ADAMTS19: variants seen among roughly 807,000 people sequenced by gnomAD.
ADAMTS19 encodes ADAM metallopeptidase with thrombospondin type 1 motif 19.
In ADAMTS19, 93 loss-of-function variants were observed where a neutral mutation model predicts 153.3. The observed-to-expected ratio is 0.61, with a 90% CI of 0.51 to 0.72. The LOEUF is 0.72. Ranked by LOEUF, ADAMTS19 falls within the 30% of genes least tolerant of loss-of-function variation. ADAMTS19 has a pLI of 0.00. For missense variants in ADAMTS19, 1,482 were observed against 1,552.1 expected (o/e 0.95, Z 0.76); for synonymous variants, 600 against 556.6 (o/e 1.08, Z -1.10).
chr5:129,602,115 G>A (rs573934946), intron 8 of ADAMTS19, among the ~76,000 whole-genome samples: 140 of 152,092 alleles, frequency 9.2e-4, no homozygotes, highest in African/African-American at 3.2e-3. Context: ...TTTTTGAGAC[G>A]GAGTTTCACT....
intron 2 of ADAMTS19, among the ~76,000 whole-genome samples, chr5:129,488,143 G>A (rs572527892): frequency 7.6e-4 from 116 of 152,058 alleles, no homozygotes; most frequent in Middle Eastern, 6.8e-3. Flanking sequence ...ATGTTGAATT[G>A]AAAATATTAA....
chr5:129,460,520 C>T (rs1286184444), intron 1 of ADAMTS19, 38 bp downstream of exon 1: 5 of 1,612,932 alleles, frequency 3.1e-6, no homozygotes, highest in Non-Finnish European at 3.4e-6. Context: ...CCTTTCCAGC[C>T]ATCCCAGCGG....
chr5:129,687,775 T>C (rs1755158474), intron 18 of ADAMTS19, among the ~76,000 whole-genome samples: 2 of 152,198 alleles, frequency 1.3e-5, no homozygotes, highest in South Asian at 4.1e-4. Flanking sequence ...GGAGGCTTCA[T>C]GTAGTTTATT....
chr5:129,708,216 T>C (rs1454576597), intron 21 of ADAMTS19, among the ~76,000 whole-genome samples: 2 of 152,178 alleles, frequency 1.3e-5, no homozygotes, highest in Admixed American at 1.3e-4. Flanking sequence ...GCAGCCTTTG[T>C]TGAAAAATGT....
intron 10 of ADAMTS19, 117 bp downstream of exon 10, chr5:129,622,465 A>G (rs1021046628): frequency 5.2e-6 from 6 of 1,158,068 alleles, no homozygotes; most frequent in Non-Finnish European, 7.1e-6. Flanking sequence ...TATATAAAAG[A>G]AGGATTTTCT....
At position 129,550,455 on chromosome 5, in the gene ADAMTS19, C is replaced by T. The variant is rs1359513870; in HGVS notation, c.1329-1409C>T. On this transcript the variant is annotated intron_variant, in intron 6 of 22. Transcript: ENST00000274487. ...CTGTATATGTATGTATCTAGATATA[C>T]ATATACATGTATCTGTATATGTATG... 7.9e-5 allele frequency among the ~76,000 whole-genome samples: 11 copies of T among 138,894 alleles called. 1 individual carries two copies. Among genetic ancestry groups the T allele is most frequent in the Non-Finnish European group, 1.7e-4 (11 of 64,270 alleles). 91.1% of individuals were successfully genotyped at this position (138,894 alleles called of 152,430 possible). A position where few individuals can be genotyped will look rare whatever the true frequency, so the allele number is the denominator to read the frequency against.
intron 7 of ADAMTS19, among the ~76,000 whole-genome samples, chr5:129,552,117 T>C (rs1753144057): frequency 6.6e-6 from 1 of 151,942 alleles, no homozygotes; most frequent in South Asian, 2.1e-4. Flanking sequence ...AATCTTTAAG[T>C]GATGCTTTAA....
chr5:129,525,623 G>C (rs1209173506), intron 3 of ADAMTS19, among the ~76,000 whole-genome samples: 1 of 151,928 alleles, frequency 6.6e-6, no homozygotes, highest in Admixed American at 6.6e-5. Flanking sequence ...ACATTTAATA[G>C]AACAATAAAA....
At chr5:129,496,577 A>T (rs745363792) in intron 2 of ADAMTS19, among the ~76,000 whole-genome samples, 7 of 151,906 alleles carry the variant, frequency 4.6e-5, no homozygotes, top group African/African-American at 1.7e-4. Context: ...GGTTGGCAAC[A>T]TCTCTGTCAA....
chr5:129,556,953 C>A (rs771534116), intron 7 of ADAMTS19, among the ~76,000 whole-genome samples: 5 of 152,112 alleles, frequency 3.3e-5, no homozygotes, highest in Non-Finnish European at 5.9e-5. Flanking sequence ...TACCTTAAGC[C>A]ACTGAATTTG....
chr5:129,604,409 G>A (rs1300223768), intron 8 of ADAMTS19, among the ~76,000 whole-genome samples: 1 of 152,132 alleles, frequency 6.6e-6, no homozygotes, highest in East Asian at 1.9e-4. Context: ...CTATGGGTCA[G>A]TCTCTCTATT....
chr5:129,669,310 T>G (rs1754194439), intron 16 of ADAMTS19, among the ~76,000 whole-genome samples: 2 of 152,108 alleles, frequency 1.3e-5, no homozygotes, highest in South Asian at 4.1e-4. Flanking sequence ...GGTCTATTTA[T>G]GATTTCTCTT....
chr5:129,648,745 T>C, intron 12 of ADAMTS19, 53 bp from the exon 13 acceptor site: 1 of 1,470,190 alleles, frequency 6.8e-7, no homozygotes, highest in Non-Finnish European at 9.4e-7. Context: ...ATTTAAAACC[T>C]AGGTAGTTAA....
In ADAMTS19 at chr5:129,738,310, T is replaced by C. The variant is rs1457742032; in HGVS notation, c.*1092T>C. ...TGATTCACATGATTTCTTAGATTTT[T>C]CAATAAAATATGTAAAACTTCCCAC... On this transcript the variant is annotated 3_prime_UTR_variant, in exon 23 of 23. Transcript: ENST00000274487. The C allele has an allele frequency of 2.6e-5, 4 of 152,060 alleles. No individual in the cohort carries two copies. The highest frequency in any genetic ancestry group is 9.7e-5 in the African/African-American group (4 of 41,436). The allele number at this position is 152,060 out of a possible 1,614,324, so 9.4% of individuals were successfully genotyped here.
intron 21 of ADAMTS19, among the ~76,000 whole-genome samples, chr5:129,721,516 G>A (rs1757003892): frequency 6.6e-6 from 1 of 152,112 alleles, no homozygotes. Flanking sequence ...ATGTCTCAAG[G>A]TAAATGGACA....
Position 129,563,390 on chromosome 5 carries a change from C to T in ADAMTS19, c.1372+11483C>T, listed in dbSNP as rs975524358. On this transcript the variant is annotated intron_variant, in intron 7 of 22. Coordinates refer to ENST00000274487, the MANE Select transcript of ADAMTS19 (RefSeq NM_133638.6). ...CATATTTTTAAGCCTTTGGACTAGG[C>T]GAAGAATAGGTTAACTTTTGTCTAC... 1.1e-4 allele frequency among the ~76,000 whole-genome samples: 16 copies of T among 152,042 alleles called. No homozygotes were observed. In the South Asian group the frequency reaches 1.9e-3, roughly 18 times the overall value.
At position 129,596,680 on chromosome 5, in the gene ADAMTS19, G is replaced by A; in HGVS notation, c.1478+16G>A. 1 of 1,540,914 alleles carries A rather than the reference G, an allele frequency of 6.5e-7. No homozygotes were observed. Among genetic ancestry groups the A allele is most frequent in the Non-Finnish European group, 8.9e-7 (1 of 1,123,172 alleles). On this transcript the variant is annotated intron_variant, in intron 8 of 22. Transcript: ENST00000274487. ...TGGGTCACAAGTAAGTAAAAATCAT[G>A]GCTATGTTAAATATGTTAGCATATA...
chr5:129,665,484 T>C lies in ADAMTS19; in HGVS notation c.2426-15T>C, dbSNP rs1360412451. On this transcript the variant is annotated splice_polypyrimidine_tract_variant and intron_variant, in intron 15 of 22. Coordinates refer to ENST00000274487, the MANE Select transcript of ADAMTS19 (RefSeq NM_133638.6). The stretch of plus-strand genomic sequence containing the variant: ...GGAACTCAAGATTTATTTCATGTTT[T>C]ATTGACTCTTACAGGTTATGTAGAA... 5.1e-6 allele frequency: 8 copies of C among 1,569,896 alleles called. No homozygotes were observed. Among genetic ancestry groups the C allele is most frequent in the South Asian group, 2.3e-5 (2 of 85,806 alleles).
intron 13 of ADAMTS19, among the ~76,000 whole-genome samples, chr5:129,653,945 A>G (rs2127054639): frequency 6.6e-6 from 1 of 152,306 alleles, no homozygotes. Context: ...GGTGTCTACT[A>G]AAGATGAAGA....
Sources: allele counts gnomAD v4.1 joint callset (sites outside exome capture counted in the v4.1 genomes callset), GRCh38; gene constraint gnomAD v4.1.1; transcripts MANE v1.5; gene names NCBI Gene and HGNC (gene_info 2026-07-23, HGNC 2026-07-21).